The following SETD1A variants were observed in gnomAD, a reference collection of about 807,000 sequenced individuals.
SETD1A encodes SET domain containing 1A, histone lysine methyltransferase.
SETD1A carries 29 observed loss-of-function variants against 149.9 expected under a neutral mutation model. The observed-to-expected ratio is 0.19, with a 90% CI of 0.14 to 0.26. The LOEUF (loss-of-function observed/expected upper bound fraction) is 0.26, where lower values mean the gene tolerates loss of function less well. SETD1A is among the 10% of genes least tolerant of loss of function. The probability of loss-of-function intolerance (pLI) is 1.00; values close to 1 mark genes in which losing one functional copy is unlikely to be tolerated. For missense variants in SETD1A, 2,109 were observed against 2,353.1 expected, an observed-to-expected ratio of 0.90 and a Z score of 2.15; for synonymous variants, 1,141 against 968.5, an observed-to-expected ratio of 1.18 and a Z score of -3.31.
chr16:30,967,477 CCCCA>C lies in SETD1A; in HGVS notation c.2683-23_2683-20del. On this transcript the variant is annotated intron_variant, in intron 9 of 18. Coordinates refer to ENST00000262519, the MANE Select transcript of SETD1A (RefSeq NM_014712.3). ...CCTGAGTGTTTGAGCTCTAAACAGG[CCCCA>C]TCTTTTCCCCATCCCCCAGGTAAAG... 1 of 1,608,926 alleles carries C rather than the reference CCCCA, an allele frequency of 6.2e-7. No individual in the cohort carries two copies. Among genetic ancestry groups the C allele is most frequent in the Non-Finnish European group, 8.5e-7 (1 of 1,175,314 alleles).
Position 30,980,577 on chromosome 16 carries a change from C to T in SETD1A, c.4501C>T (p.Pro1501Ser), listed in dbSNP as rs774903107. 7.4e-6 allele frequency: 12 copies of T among 1,614,014 alleles called. No individual in the cohort carries two copies. Among genetic ancestry groups the T allele is most frequent in the Non-Finnish European group, 1.0e-5 (12 of 1,180,042 alleles). Residue 1501 changes from proline (P) to serine (S), a missense_variant, in exon 15 of 19, where the codon CCC becomes TCC. By Grantham distance (74) the Pro-to-Ser change is moderately conservative (BLOSUM62 -1). Around this residue, in one of 8 missense-constraint regions of SETD1A, gnomAD observed 254 missense variants for 409.3 expected, o/e 0.62. Transcript: ENST00000262519. This position sits in a 1 kb window ranked among gnomAD's most constrained non-coding sequence, Gnocchi z 7.7. The stretch of plus-strand genomic sequence containing the variant: ...CTCAGCCCGCAGCGAAGGCTACTAC[C>T]CCATCAGCAAGAAGGAGAAGGACAA... ...TGSARSEGYY[P>S]ISKKEKDKYL...
chr16:30,959,697 C>T (rs919716802), intron 3 of SETD1A, among the ~76,000 whole-genome samples: 2 of 151,792 alleles, frequency 1.3e-5, no homozygotes, highest in African/African-American at 4.8e-5. Context: ...TTCTCTGATT[C>T]TTTATTCTTC....
At position 30,980,859 on chromosome 16, in the gene SETD1A, G is replaced by A. The variant is rs1299712744; in HGVS notation, c.4692+10G>A. Reference sequence around the variant, plus strand: ...ACTCAACCAGCTCAAGGTGAGGCTGGGCTGCAGGAGGGGCTGGGTGGGGTG... The same window carrying A: ...ACTCAACCAGCTCAAGGTGAGGCTGAGCTGCAGGAGGGGCTGGGTGGGGTG... On this transcript the variant is annotated intron_variant, in intron 16 of 18. Coordinates refer to ENST00000262519, the MANE Select transcript of SETD1A (RefSeq NM_014712.3). This position sits in a 1 kb window ranked among gnomAD's most constrained non-coding sequence, Gnocchi z 7.7. 1 of 1,568,820 alleles carries A rather than the reference G, an allele frequency of 6.4e-7. No homozygotes were observed.
chr16:30,959,772 G>A (rs79129801), intron 3 of SETD1A, among the ~76,000 whole-genome samples: 1 of 130,862 alleles, frequency 7.6e-6, no homozygotes, highest in Non-Finnish European at 1.6e-5. Context: ...TTTTTACTTT[G>A]TACACTTCAC....
chr16:30,961,786 T>C lies in SETD1A; in HGVS notation c.517+249T>C, dbSNP rs377671775. Among the ~76,000 whole-genome samples, 34 of 150,234 alleles carry C rather than the reference T, an allele frequency of 2.3e-4. No homozygotes were observed. The East Asian group carries it at 5.1e-3, about 22-fold the overall frequency. ...AACTATCTGTAAAAAAAAAAAAAAA[T>C]CATATGAAGGGTTGTACTAGGTAAG... is the stretch of plus-strand genomic sequence containing the variant. On this transcript the variant is annotated intron_variant, in intron 4 of 18. Coordinates refer to ENST00000262519, the MANE Select transcript of SETD1A (RefSeq NM_014712.3). This position sits in a 1 kb window ranked among gnomAD's most constrained non-coding sequence, Gnocchi z 4.0.
intron 1 of SETD1A, 36 bp from the exon 2 acceptor site, chr16:30,958,681 C>A (rs759455143): frequency 6.3e-7 from 1 of 1,593,470 alleles, no homozygotes; most frequent in South Asian, 1.1e-5. Context: ...GGCCCCAAGT[C>A]CTGATCCTTC....
At chr16:30,966,761 G>A (rs1459467956) in intron 8 of SETD1A, 123 bp from the exon 9 acceptor site, 1 of 1,159,058 alleles carries the variant, frequency 8.6e-7, no homozygotes, top group Non-Finnish European at 1.2e-6. Context: ...TGGGACAGGT[G>A]TGACCAAGAT....
intron 13 of SETD1A, among the ~76,000 whole-genome samples, chr16:30,972,697 T>G (rs1279924432): frequency 1.4e-5 from 2 of 142,608 alleles, no homozygotes; most frequent in Non-Finnish European, 3.0e-5. Context: ...CTACAAAAAT[T>G]ACAAAAACTA....
At chr16:30,969,891 T>C (rs1228992454) in intron 12 of SETD1A, among the ~76,000 whole-genome samples, 1 of 152,210 alleles carries the variant, frequency 6.6e-6, no homozygotes, top group Non-Finnish European at 1.5e-5. Flanking sequence ...TGCTCCCTCC[T>C]GCTCCCTCTT....
Position 30,980,789 on chromosome 16 carries a change from G to A in SETD1A, c.4632G>A (p.Leu1544=). ...SERRSEQRRL[L]SAIGTSAIMD... is the part of the protein sequence containing the mutation. ...GCCGGTCCGAGCAGCGGCGGCTGCTGAGCGCCATCGGTACCTCCGCCATCA... is the reference window on the plus strand; with the variant it reads ...GCCGGTCCGAGCAGCGGCGGCTGCTAAGCGCCATCGGTACCTCCGCCATCA... Residue 1544 remains leucine (L), a synonymous_variant, in exon 16 of 19, where the codon CTG becomes CTA. Transcript: ENST00000262519. The surrounding 1 kb of genome is among the most constrained non-coding windows in gnomAD (Gnocchi z 7.7). The A allele has an allele frequency of 6.2e-7, 1 of 1,612,844 alleles. No individual in the cohort carries two copies. The highest frequency in any genetic ancestry group is 8.5e-7 in the Non-Finnish European group (1 of 1,179,832).
In SETD1A at chr16:30,969,656, G is replaced by C; in HGVS notation, c.2983G>C (p.Asp995His). ...AGATGAAGATCGAGAGGAAGCTGTG[G>C]ATACCACAAAGAAGGAGACAGAGGT... Reference protein sequence around the residue: ...EEDEDREEAVDTTKKETEVSD... With the variant: ...EEDEDREEAVHTTKKETEVSD... Residue 995 changes from aspartate to histidine, a missense_variant, in exon 12 of 19, where the codon GAT (aspartate) becomes CAT (histidine). This residue lies in a region of SETD1A where 832 missense variants were observed against 815.6 expected (regional missense o/e 1.02). Coordinates refer to ENST00000262519, the MANE Select transcript of SETD1A (RefSeq NM_014712.3). 6.2e-7 allele frequency: 1 copy of C among 1,614,210 alleles called. No individual in the cohort carries two copies. The highest frequency in any genetic ancestry group is 8.5e-7 in the Non-Finnish European group (1 of 1,180,020).
chr16:30,967,080 T>C lies in SETD1A; in HGVS notation c.2682+20T>C, dbSNP rs1487851932. 1.3e-6 allele frequency: 2 copies of C among 1,547,358 alleles called. No homozygotes were observed. Among genetic ancestry groups the C allele is most frequent in the Non-Finnish European group, 1.7e-6 (2 of 1,145,242 alleles). On this transcript the variant is annotated intron_variant, in intron 9 of 18. Transcript: ENST00000262519. Reference sequence around the variant, plus strand: ...TTCAAGGTACTCAGAACTGTCGTTTTGTGGGGTAGGGTGGGGAGAGGGAGA... The same window carrying C: ...TTCAAGGTACTCAGAACTGTCGTTTCGTGGGGTAGGGTGGGGAGAGGGAGA...
intron 4 of SETD1A, among the ~76,000 whole-genome samples, chr16:30,962,147 C>G (rs1329229158): frequency 6.6e-6 from 1 of 151,200 alleles, no homozygotes; most frequent in Non-Finnish European, 1.5e-5. Context: ...TCACTGCAAC[C>G]TCCACCTCCC....
chr16:30,959,087 C>T lies in SETD1A; in HGVS notation c.151-4C>T, dbSNP rs781397734. The T allele has an allele frequency of 2.5e-6, 4 of 1,607,304 alleles. No individual in the cohort carries two copies. The highest frequency in any genetic ancestry group is 1.7e-4 in the Middle Eastern group (1 of 6,050). On this transcript the variant is annotated splice_region_variant and splice_polypyrimidine_tract_variant and intron_variant, in intron 2 of 18. Coordinates refer to ENST00000262519, the MANE Select transcript of SETD1A (RefSeq NM_014712.3). ...TCTCTTTCTGCTGCTGCTTTCCTTC[C>T]TAGGACTCAAAGTATATACCAGTCG... is the stretch of plus-strand genomic sequence containing the variant.
rs1487851932 is a variant in SETD1A at position 30,967,080 on chromosome 16, T to G, written c.2682+20T>G. On this transcript the variant is annotated intron_variant, in intron 9 of 18. Coordinates refer to ENST00000262519, the MANE Select transcript of SETD1A (RefSeq NM_014712.3). ...TTCAAGGTACTCAGAACTGTCGTTTTGTGGGGTAGGGTGGGGAGAGGGAGA... is the reference window on the plus strand; with the variant it reads ...TTCAAGGTACTCAGAACTGTCGTTTGGTGGGGTAGGGTGGGGAGAGGGAGA... 1.3e-6 allele frequency: 2 copies of G among 1,547,358 alleles called. No individual in the cohort carries two copies. Among genetic ancestry groups the G allele is most frequent in the Non-Finnish European group, 1.7e-6 (2 of 1,145,242 alleles).
Position 30,979,669 on chromosome 16 carries a change from C to G in SETD1A, c.3883C>G (p.His1295Asp), listed in dbSNP as rs1198728320. The G allele has an allele frequency of 1.2e-6, 2 of 1,609,004 alleles. No homozygotes were observed. Among genetic ancestry groups the G allele is most frequent in the Non-Finnish European group, 1.7e-6 (2 of 1,179,686 alleles). Residue 1295 changes from histidine (H) to aspartate (D), a missense_variant, in exon 14 of 19, where the codon CAC (histidine) becomes GAC (aspartate). This residue lies in a region of SETD1A where 832 missense variants were observed against 815.6 expected (regional missense o/e 1.02). Coordinates refer to ENST00000262519, the MANE Select transcript of SETD1A (RefSeq NM_014712.3). ...CGAGCGCCCTAGGCCCCTGCTCAGCCACATCCTCCTGGAGCACAACTATGC... is the reference window on the plus strand; with the variant it reads ...CGAGCGCCCTAGGCCCCTGCTCAGCGACATCCTCCTGGAGCACAACTATGC... ...EAERPRPLLS[H>D]ILLEHNYALA...
At chr16:30,964,065 T>C (rs1248044738) in intron 5 of SETD1A, 29 bp from the exon 6 acceptor site, 3 of 1,578,362 alleles carry the variant, frequency 1.9e-6, no homozygotes, top group Non-Finnish European at 2.6e-6. Flanking sequence ...AGCCCATTCC[T>C]CTCTCCTTGC....
rs1425960571 is a variant in SETD1A, at chr16:30,961,518, T to C, written c.498T>C (p.His166=). Residue 166 remains histidine, a synonymous_variant, in exon 4 of 19, where the codon CAT becomes CAC. Coordinates refer to ENST00000262519, the MANE Select transcript of SETD1A (RefSeq NM_014712.3). The surrounding 1 kb of genome is among the most constrained non-coding windows in gnomAD (Gnocchi z 4.0). ...CCTCCGTCATGGGCAACATCATCCA[T>C]GCCCAGCTTGACATCAAAGGTGAGG... is the stretch of plus-strand genomic sequence containing the variant. ...HLTSVMGNII[H]AQLDIKGQQR... 6.2e-7 allele frequency: 1 copy of C among 1,614,004 alleles called. No homozygotes were observed. The highest frequency in any genetic ancestry group is 8.5e-7 in the Non-Finnish European group (1 of 1,179,984).
intron 13 of SETD1A, among the ~76,000 whole-genome samples, chr16:30,978,334 C>A (rs931993743): frequency 4.6e-5 from 7 of 151,162 alleles, no homozygotes; most frequent in Middle Eastern, 3.4e-3. Context: ...ACATGAGTTA[C>A]TCTACGTAAG....
Sources: allele counts gnomAD v4.1 joint callset (sites outside exome capture counted in the v4.1 genomes callset), GRCh38; gene constraint gnomAD v4.1.1; regional missense constraint gnomAD v4.1.1; non-coding constraint Gnocchi (gnomAD v3.1); transcripts MANE v1.5; gene names NCBI Gene and HGNC (gene_info 2026-07-23, HGNC 2026-07-21).